The following DNM3 variants were observed in gnomAD, a reference collection of about 807,000 sequenced individuals.
The protein encoded by DNM3 is dynamin-3.
Under a neutral mutation model 101.6 loss-of-function variants are expected in DNM3, and 47 were observed. The ratio of observed to expected loss-of-function variants is 0.46; its 90% CI spans 0.37 to 0.59. The LOEUF (loss-of-function observed/expected upper bound fraction) is 0.59. Ranked by LOEUF, DNM3 falls within the 20% of genes least tolerant of loss-of-function variation. DNM3 has a pLI of 0.00. For missense variants in DNM3, 849 were observed against 1,085.7 expected (o/e 0.78, Z 3.06); for synonymous variants, 385 against 387.9 (o/e 0.99, Z 0.09).
intron 1 of DNM3, among the ~76,000 whole-genome samples, chr1:171,866,820 A>G (rs2125067021): frequency 6.6e-6 from 1 of 152,244 alleles, no homozygotes; most frequent in East Asian, 1.9e-4. Flanking sequence ...GTCTTTAGGC[A>G]TGCCACATTA....
intron 15 of DNM3, among the ~76,000 whole-genome samples, chr1:172,298,738 A>G (rs913291102): frequency 6.6e-6 from 1 of 152,052 alleles, no homozygotes; most frequent in Non-Finnish European, 1.5e-5. Flanking sequence ...AAAATGATAC[A>G]TTTCTCTTTC....
At chr1:172,348,975 G>A (rs189053440) in intron 17 of DNM3, among the ~76,000 whole-genome samples, 12 of 152,198 alleles carry the variant, frequency 7.9e-5, no homozygotes, top group African/African-American at 2.4e-4. Context: ...GTCAGTAAAC[G>A]AATAATGTAA....
chr1:171,863,612 T>C (rs1370254415), intron 1 of DNM3, among the ~76,000 whole-genome samples: 3 of 152,194 alleles, frequency 2.0e-5, no homozygotes, highest in African/African-American at 7.2e-5. Flanking sequence ...AAGCATGCTG[T>C]AGAGTTTCCT....
intron 2 of DNM3, among the ~76,000 whole-genome samples, chr1:171,977,043 C>T (rs1558359855): frequency 6.6e-6 from 1 of 152,116 alleles, no homozygotes; most frequent in African/African-American, 2.4e-5. Flanking sequence ...TTTGGCAGAT[C>T]ATCTTATTTT....
chr1:172,034,952 G>GAACAACAA (rs1436023045), intron 6 of DNM3, among the ~76,000 whole-genome samples: 1 of 152,008 alleles, frequency 6.6e-6, no homozygotes, highest in African/African-American at 2.4e-5. Context: ...CTGAGTAGAG[G>GAACAACAA]AACAACAAGA....
chr1:172,104,079 C>CT (rs2054841550), intron 13 of DNM3, among the ~76,000 whole-genome samples: 1 of 152,158 alleles, frequency 6.6e-6, no homozygotes, highest in East Asian at 1.9e-4. Flanking sequence ...TCTGATGTGT[C>CT]TTTTGCCCAT....
chr1:171,978,705 AG>A (rs1314003302), intron 2 of DNM3, among the ~76,000 whole-genome samples: 1 of 152,194 alleles, frequency 6.6e-6, no homozygotes, highest in African/African-American at 2.4e-5. Flanking sequence ...ATGGAGCAAG[AG>A]TGGAGTCAGA....
At position 172,217,745 on chromosome 1, in the gene DNM3, C is replaced by T. The variant is rs145117326; in HGVS notation, c.1660-35828C>T. ...CAAAGTTTATTCTATGGTTGACTTC[C>T]TCTCAGGAAAAAGACTGAGAGGAAT... On this transcript the variant is annotated intron_variant, in intron 14 of 20. Transcript: ENST00000627582. 5.4e-3 allele frequency among the ~76,000 whole-genome samples: 819 copies of T among 152,154 alleles called. 7 individuals are homozygous for T. The highest frequency in any genetic ancestry group is 0.019 in the African/African-American group (783 of 41,526).
At chr1:171,881,647 A>C (rs1402250953) in intron 1 of DNM3, among the ~76,000 whole-genome samples, 3 of 152,214 alleles carry the variant, frequency 2.0e-5, no homozygotes, top group Admixed American at 2.0e-4. Flanking sequence ...AATTCTGGGC[A>C]TTCTGCTGAA....
chr1:171,985,882 C>A (rs1444899357), intron 2 of DNM3, among the ~76,000 whole-genome samples: 1 of 152,012 alleles, frequency 6.6e-6, no homozygotes, highest in African/African-American at 2.4e-5. Context: ...GGTGTGAGGC[C>A]CAGGAAGGAG....
In DNM3 at chr1:172,408,803, A is replaced by G; in HGVS notation, c.*962A>G. On this transcript the variant is annotated 3_prime_UTR_variant, in exon 21 of 21. Transcript: ENST00000627582. ...TTGTAATCTTGTTTTGTAAGAATTT[A>G]TCCTACCCTTGAAACAGGCTCAGTG... The G allele has an allele frequency of 2.0e-6, 2 of 985,260 alleles. No individual in the cohort carries two copies. The highest frequency in any genetic ancestry group is 2.4e-6 in the Non-Finnish European group (2 of 829,816). 61.0% of individuals were successfully genotyped at this position (985,260 alleles called of 1,614,324 possible). A position where few individuals can be genotyped will look rare whatever the true frequency, so the allele number is the denominator to read the frequency against.
chr1:172,354,594 G>A (rs1359847677), intron 17 of DNM3, among the ~76,000 whole-genome samples: 1 of 151,898 alleles, frequency 6.6e-6, no homozygotes, highest in Admixed American at 6.6e-5. Flanking sequence ...ATTTCTAGTG[G>A]TTTTTTTTAG....
chr1:171,979,656 G>C (rs1321147400), intron 2 of DNM3, among the ~76,000 whole-genome samples: 2 of 152,128 alleles, frequency 1.3e-5, no homozygotes, highest in East Asian at 3.9e-4. Flanking sequence ...TGCTGGCCTT[G>C]GTCTTGTCCA....
intron 14 of DNM3, among the ~76,000 whole-genome samples, chr1:172,196,927 C>T (rs965428569): frequency 6.6e-6 from 1 of 152,076 alleles, no homozygotes; most frequent in African/African-American, 2.4e-5. Context: ...TCCCACTTGT[C>T]AATTTTTGCT....
At chr1:171,903,974 A>G (rs2038596031) in intron 1 of DNM3, among the ~76,000 whole-genome samples, 1 of 152,174 alleles carries the variant, frequency 6.6e-6, no homozygotes, top group Non-Finnish European at 1.5e-5. Context: ...GGAAAGAAGG[A>G]AGACTTAAGT....
At chr1:172,364,205 G>T (rs940449935) in intron 17 of DNM3, among the ~76,000 whole-genome samples, 7 of 151,802 alleles carry the variant, frequency 4.6e-5, no homozygotes, top group African/African-American at 9.7e-5. Context: ...ATATAGCCTG[G>T]GTTAGTTGTA....
chr1:172,140,307 G>A (rs1234082905), intron 14 of DNM3: 7 of 151,666 alleles, frequency 4.6e-5, no homozygotes, highest in East Asian at 1.9e-4. Flanking sequence ...CATCACTTTC[G>A]AGTAAAGGAA....
At chr1:172,175,458 A>G (rs1034083513) in intron 14 of DNM3, among the ~76,000 whole-genome samples, 1 of 151,792 alleles carries the variant, frequency 6.6e-6, no homozygotes, top group Non-Finnish European at 1.5e-5. Flanking sequence ...GGAAAAATAG[A>G]GAAAATGTAA....
chr1:172,390,748 G>A (rs551310417), intron 20 of DNM3, among the ~76,000 whole-genome samples: 2 of 152,338 alleles, frequency 1.3e-5, no homozygotes, highest in South Asian at 4.1e-4. Context: ...GAAAGTGTCT[G>A]CCATTGTACC....
Sources: gnomAD v4.1 joint callset for allele counts (sites outside exome capture counted in the v4.1 genomes callset) on GRCh38, gnomAD v4.1.1 for gene constraint, MANE v1.5 for transcripts, NCBI Gene and HGNC (gene_info 2026-07-23, HGNC 2026-07-21) for gene names.